Variants in CEP131 observed in about 807,000 individuals in gnomAD.
CEP131 encodes centrosomal protein of 131 kDa.
A neutral mutation model predicts 136.8 loss-of-function variants in CEP131; 99 were observed. That is an observed-to-expected ratio of 0.72 (90% CI 0.62 to 0.86). CEP131 has a LOEUF of 0.86. Ranked by LOEUF, CEP131 falls within the 40% of genes least tolerant of loss-of-function variation. The probability of loss-of-function intolerance (pLI) is 0.00; values close to 1 mark genes in which losing one functional copy is unlikely to be tolerated. For missense variants in CEP131, 1,459 were observed against 1,463.0 expected, an observed-to-expected ratio of 1.00 and a Z score of 0.04; for synonymous variants, 646 against 612.7, an observed-to-expected ratio of 1.05 and a Z score of -0.80.
At chr17:81,199,925 C>G in intron 8 of CEP131, 90 bp from the exon 9 acceptor site, 1 of 1,316,264 alleles carries the variant, frequency 7.6e-7, no homozygotes, top group Non-Finnish European at 1.1e-6. Flanking sequence ...GCCCTGGAGT[C>G]CCCTAGAGTT....
At chr17:81,201,317 G>A (rs368123419) in intron 7 of CEP131, among the ~76,000 whole-genome samples, 1 of 152,166 alleles carries the variant, frequency 6.6e-6, no homozygotes, top group East Asian at 1.9e-4. Flanking sequence ...TGACGGCTCC[G>A]CCAGGAGCAG....
chr17:81,196,246 C>T (rs571906607), intron 15 of CEP131, among the ~76,000 whole-genome samples: 3 of 152,208 alleles, frequency 2.0e-5, no homozygotes, highest in African/African-American at 4.8e-5. Flanking sequence ...GTAGCTCTGC[C>T]GAGGCCATCA....
intron 2 of CEP131, 95 bp from the exon 3 acceptor site, chr17:81,209,117 C>T: frequency 1.1e-6 from 1 of 924,656 alleles, no homozygotes; most frequent in African/African-American, 1.6e-5. Context: ...AGTCAGAGAA[C>T]AGAGGGGTGG....
At chr17:81,206,899 G>T in intron 4 of CEP131, 28 bp from the exon 5 acceptor site, 1 of 1,605,386 alleles carries the variant, frequency 6.2e-7, no homozygotes, top group Non-Finnish European at 8.5e-7. Context: ...CCATGACACC[G>T]CCCGCACACA....
chr17:81,194,315 C>T (rs949991592), intron 17 of CEP131, among the ~76,000 whole-genome samples, 188 bp from the exon 18 acceptor site: 17 of 152,310 alleles, frequency 1.1e-4, no homozygotes, highest in African/African-American at 3.8e-4. Context: ...CACAGGGCCA[C>T]GGCGCCTCTC....
intron 7 of CEP131, among the ~76,000 whole-genome samples, chr17:81,200,842 G>A (rs545644075): frequency 5.3e-5 from 8 of 152,328 alleles, no homozygotes; most frequent in East Asian, 1.9e-4. Flanking sequence ...ACCACAGGCC[G>A]TGGCTCCACA....
intron 1 of CEP131, among the ~76,000 whole-genome samples, chr17:81,220,411 T>C (rs147956306): frequency 1.2e-4 from 18 of 152,352 alleles, no homozygotes; most frequent in Non-Finnish European, 1.6e-4. Flanking sequence ...GGTTCTGCCA[T>C]CTACCCCACA....
chr17:81,199,544 C>T lies in CEP131; in HGVS notation c.1029G>A (p.Leu343=), dbSNP rs778883017. 4 of 1,604,796 alleles carry T rather than the reference C, an allele frequency of 2.5e-6. No homozygotes were observed. The highest frequency in any genetic ancestry group is 3.4e-6 in the Non-Finnish European group (4 of 1,176,244). ...GGGCTCTCAGGGCTCGTTTCTGTTGCAGCTCCTGCAGTGGGAGCATCGCTG... is the reference window on the plus strand; with the variant it reads ...GGGCTCTCAGGGCTCGTTTCTGTTGTAGCTCCTGCAGTGGGAGCATCGCTG... ...RQARRAAIQE[L]QQKRALRAQK... The change falls in exon 10 of 26, where the codon CTG becomes CTA. Residue 343 remains leucine (L), a synonymous_variant. Transcript: ENST00000450824.
chr17:81,205,169 G>T (rs921850320), intron 5 of CEP131, among the ~76,000 whole-genome samples: 2 of 151,770 alleles, frequency 1.3e-5, no homozygotes, highest in Admixed American at 1.3e-4. Context: ...TGAGGCAAGA[G>T]AATCACTGGA....
intron 13 of CEP131, chr17:81,197,508 A>G: frequency 1.3e-6 from 1 of 757,908 alleles, no homozygotes; most frequent in Non-Finnish European, 2.0e-6. Flanking sequence ...ACCCTGAGAG[A>G]CCCGTGGGGG....
rs775372561 is a variant in CEP131 at position 81,196,896 on chromosome 17, C to T, written c.1773+34G>A. 3 of 1,606,854 alleles carry T rather than the reference C, an allele frequency of 1.9e-6. No homozygotes were observed. In the South Asian group the frequency reaches 3.3e-5, roughly 18 times the overall value. On this transcript the variant is annotated intron_variant, in intron 14 of 25. Transcript: ENST00000450824. ...CTGGCCTCAGCAGGTAGGAGGCTAG[C>T]AGGGCCCGGGATTAGCAGTGCCAGC...
Position 81,194,919 on chromosome 17 carries a change from C to T in CEP131, c.2070G>A (p.Glu690=), listed in dbSNP as rs961711519. The change falls in exon 17 of 26, where the codon GAG becomes GAA. Residue 690 remains glutamate (E), a synonymous_variant. Coordinates refer to ENST00000450824, the MANE Select transcript of CEP131 (RefSeq NM_014984.4). The stretch of plus-strand genomic sequence containing the variant: ...TCTTGGTTTTCTCACTGATCCACTT[C>T]TCCCGGCGGGCTTTCTCGGTGGCGC... ...LMSATEKARR[E]KWISEKTKKI... 12 of 1,613,506 alleles carry T rather than the reference C, an allele frequency of 7.4e-6. No homozygotes were observed. The highest frequency in any genetic ancestry group is 9.3e-6 in the Non-Finnish European group (11 of 1,179,992).
At chr17:81,200,220 C>T (rs2061859432) in intron 8 of CEP131, 109 bp downstream of exon 8, 1 of 861,058 alleles carries the variant, frequency 1.2e-6, no homozygotes. Flanking sequence ...AGACGGGGCC[C>T]ACGAGCAATC....
chr17:81,192,667 A>AGGGGTG (rs1567847974), intron 19 of CEP131, 69 bp downstream of exon 19: 36 of 178,242 alleles, frequency 2.0e-4, no homozygotes, highest in African/African-American at 9.2e-4. Flanking sequence ...TCAGCGGGTG[A>AGGGGTG]GGGGGCGGGG....
In CEP131 at chr17:81,208,045, C is replaced by T. The variant is rs916856488; in HGVS notation, c.273-806G>A. 1.8e-5 allele frequency among the ~76,000 whole-genome samples: 2 copies of T among 110,698 alleles called. No homozygotes were observed. The highest frequency in any genetic ancestry group is 6.6e-5 in the African/African-American group (2 of 30,406). 72.6% of individuals were successfully genotyped at this position (110,698 alleles called of 152,430 possible). Reference sequence around the variant, plus strand: ...CACACACCCACACACCACACACCCCCCACACACACCACACTCACACCACAC... The same window carrying T: ...CACACACCCACACACCACACACCCCTCACACACACCACACTCACACCACAC... On this transcript the variant is annotated intron_variant, in intron 3 of 25. Transcript: ENST00000450824. This position sits in a 1 kb window ranked among gnomAD's most constrained non-coding sequence, Gnocchi z 5.6.
At chr17:81,214,449 G>A (rs1020541842) in intron 2 of CEP131, among the ~76,000 whole-genome samples, 4 of 152,016 alleles carry the variant, frequency 2.6e-5, no homozygotes, top group African/African-American at 7.3e-5. Context: ...CCAGCTACTC[G>A]GGAGGCTGAG....
intron 2 of CEP131, among the ~76,000 whole-genome samples, chr17:81,211,703 C>T (rs902581817): frequency 1.3e-5 from 2 of 151,642 alleles, no homozygotes; most frequent in South Asian, 2.1e-4. Context: ...GAGGCCAAGG[C>T]GGGTGGATCA....
At chr17:81,198,767 C>T (rs2061824024) in intron 11 of CEP131, 110 bp downstream of exon 11, 15 of 1,130,876 alleles carry the variant, frequency 1.3e-5, no homozygotes, top group South Asian at 1.1e-4. Context: ...CTTAAGTGGC[C>T]CCTAGAGCAG....
chr17:81,220,390 G>A (rs539695220), intron 1 of CEP131, among the ~76,000 whole-genome samples: 149 of 152,328 alleles, frequency 9.8e-4, no homozygotes, highest in African/African-American at 3.2e-3. Context: ...GGCCATTGTC[G>A]ATGTGAGCCA....
Sources: gnomAD v4.1 joint callset for allele counts (sites outside exome capture counted in the v4.1 genomes callset) on GRCh38, gnomAD v4.1.1 for gene constraint, Gnocchi (gnomAD v3.1) non-coding constraint, MANE v1.5 for transcripts, NCBI Gene and HGNC (gene_info 2026-07-23, HGNC 2026-07-21) for gene names.